Variants in GALNT13 observed in about 807,000 individuals in gnomAD.
GALNT13 encodes UDP-GalNAc:polypeptide N-acetylgalactosaminyltransferase 13.
GALNT13 carries 28 observed loss-of-function variants against 64.2 expected under a neutral mutation model. That is an observed-to-expected ratio of 0.44 (90% CI 0.32 to 0.60). GALNT13 has a LOEUF of 0.60. Ranked by LOEUF, GALNT13 falls within the 20% of genes least tolerant of loss-of-function variation. GALNT13 has a pLI of 0.05. For synonymous variants in GALNT13, 214 were observed against 224.6 expected (o/e 0.95, Z 0.42); for missense variants, 577 against 669.8 (o/e 0.86, Z 1.53).
chr2:153,338,169 G>A, the GALNT13 span, among the ~76,000 whole-genome samples: 2 of 151,992 alleles, frequency 1.3e-5, no homozygotes, highest in African/African-American at 2.4e-5. Context: ...GGCAAACAGT[G>A]GTAGTCCTAG....
the GALNT13 span, among the ~76,000 whole-genome samples, chr2:153,723,838 ATGGG>A: frequency 6.6e-6 from 1 of 151,138 alleles, no homozygotes; most frequent in African/African-American, 2.5e-5. Flanking sequence ...TTCCACGCTC[ATGGG>A]TAGGAAGAAT....
At chr2:153,955,721 A>AG (rs946390432) in intron 3 of GALNT13, among the ~76,000 whole-genome samples, 2 of 152,210 alleles carry the variant, frequency 1.3e-5, no homozygotes, top group Admixed American at 6.5e-5. Flanking sequence ...TTCAAGGGCA[A>AG]GCCAGAGGTG....
At chr2:153,604,956 T>C in the GALNT13 span, among the ~76,000 whole-genome samples, 2 of 151,918 alleles carry the variant, frequency 1.3e-5, no homozygotes, top group African/African-American at 2.4e-5. Context: ...GTGAGAAATA[T>C]AGGGCCCAGG....
the GALNT13 span, among the ~76,000 whole-genome samples, chr2:153,630,789 A>T: frequency 0.021 from 259 of 12,386 alleles, 11 homozygotes; most frequent in South Asian, 0.2. Flanking sequence ...ATATATATAT[A>T]TATATATATA....
intron 9 of GALNT13, among the ~76,000 whole-genome samples, chr2:154,377,619 A>G (rs1698062442): frequency 1.3e-5 from 2 of 152,164 alleles, no homozygotes; most frequent in South Asian, 2.1e-4. Flanking sequence ...ATAAAAATGA[A>G]AAGTTACATT....
intron 3 of GALNT13, among the ~76,000 whole-genome samples, chr2:154,122,029 T>A (rs1262382644): frequency 1.3e-5 from 2 of 152,080 alleles, no homozygotes; most frequent in African/African-American, 2.4e-5. Flanking sequence ...TAGTAATTCT[T>A]GATTTCTATT....
chr2:153,452,812 A>G, the GALNT13 span, among the ~76,000 whole-genome samples: 1 of 152,148 alleles, frequency 6.6e-6, no homozygotes. Context: ...ACCCAGAATA[A>G]GCAAAGCAAT....
intron 4 of GALNT13, among the ~76,000 whole-genome samples, chr2:154,218,845 C>T (rs529139348): frequency 1.2e-4 from 19 of 152,106 alleles, no homozygotes; most frequent in African/African-American, 4.6e-4. Context: ...TTTCCATTAT[C>T]TGTCTAAACA....
chr2:153,454,788 G>T, the GALNT13 span, among the ~76,000 whole-genome samples: 1 of 152,196 alleles, frequency 6.6e-6, no homozygotes, highest in Admixed American at 6.5e-5. Flanking sequence ...ATGTATGTGT[G>T]TGTATGTGCA....
intron 3 of GALNT13, among the ~76,000 whole-genome samples, chr2:154,082,527 GTAAC>G (rs917482540): frequency 1.6e-4 from 25 of 151,672 alleles, no homozygotes; most frequent in African/African-American, 5.8e-4. Context: ...ATTATGAAAT[GTAAC>G]TGTTTCTTCA....
intron 3 of GALNT13, among the ~76,000 whole-genome samples, chr2:154,093,709 A>C (rs1701937243): frequency 6.7e-6 from 1 of 148,942 alleles, no homozygotes; most frequent in Non-Finnish European, 1.5e-5. Flanking sequence ...GGAATTCCAG[A>C]TGCTTCACAG....
the GALNT13 span, among the ~76,000 whole-genome samples, chr2:153,786,013 G>A: frequency 1.1e-4 from 16 of 151,178 alleles, no homozygotes; most frequent in African/African-American, 2.2e-4. Flanking sequence ...CCAGCAGTGC[G>A]GATGCTCCAC....
At chr2:154,243,472 T>A (rs1382472167) in intron 6 of GALNT13, among the ~76,000 whole-genome samples, 2 of 151,756 alleles carry the variant, frequency 1.3e-5, no homozygotes, top group Non-Finnish European at 2.9e-5. Context: ...ACTGAAAAAA[T>A]TATAATTAAA....
intron 4 of GALNT13, among the ~76,000 whole-genome samples, chr2:154,201,626 T>C (rs558801137): frequency 7.2e-5 from 11 of 152,314 alleles, no homozygotes; most frequent in Middle Eastern, 3.4e-3. Flanking sequence ...TAAAATGTTG[T>C]TCTTTAGATC....
At chr2:154,035,128 T>C (rs1698580252) in intron 3 of GALNT13, among the ~76,000 whole-genome samples, 1 of 152,128 alleles carries the variant, frequency 6.6e-6, no homozygotes. Flanking sequence ...ACTAAGTGTT[T>C]ATCAATGAAT....
chr2:153,841,915 G>A, the GALNT13 span, among the ~76,000 whole-genome samples: 1 of 152,124 alleles, frequency 6.6e-6, no homozygotes. Flanking sequence ...ACTGTTAGCG[G>A]TTCTCAGGGT....
the GALNT13 span, among the ~76,000 whole-genome samples, chr2:153,446,381 A>G: frequency 6.6e-6 from 1 of 152,200 alleles, no homozygotes; most frequent in Non-Finnish European, 1.5e-5. Flanking sequence ...GGCTGAGTTA[A>G]TTCTATAAAT....
At chr2:154,162,896 C>T (rs1332543800) in intron 4 of GALNT13, among the ~76,000 whole-genome samples, 2 of 151,444 alleles carry the variant, frequency 1.3e-5, no homozygotes, top group East Asian at 1.9e-4. Context: ...AGTAGTGAGC[C>T]GAGTTTTCCA....
At chr2:153,915,248 A>C (rs1689250541) in intron 2 of GALNT13, among the ~76,000 whole-genome samples, 1 of 152,130 alleles carries the variant, frequency 6.6e-6, no homozygotes, top group East Asian at 1.9e-4. Flanking sequence ...TAAAAGGCTA[A>C]ATTTTGCTTT....
Sources: gnomAD v4.1 joint callset for allele counts (sites outside exome capture counted in the v4.1 genomes callset) on GRCh38, gnomAD v4.1.1 for gene constraint, MANE v1.5 for transcripts, NCBI Gene and HGNC (gene_info 2026-07-23, HGNC 2026-07-21) for gene names.